Variants in GLIS3 observed in about 807,000 individuals in gnomAD.
The protein encoded by GLIS3 is zinc finger protein GLIS3.
In GLIS3, 53 loss-of-function variants were observed where a neutral mutation model predicts 78.6. The observed-to-expected ratio is 0.67, with a 90% CI of 0.54 to 0.85. The LOEUF is 0.85. GLIS3 is among the 40% of genes least tolerant of loss of function. GLIS3 has a pLI of 0.00. For synonymous variants in GLIS3, 684 were observed against 509.9 expected (o/e 1.34, Z -4.60); for missense variants, 1,703 against 1,231.1 (o/e 1.38, Z -5.74).
the GLIS3 span, among the ~76,000 whole-genome samples, chr9:4,423,742 G>C: frequency 5.1e-4 from 77 of 152,256 alleles, no homozygotes; most frequent in Middle Eastern, 3.4e-3. Flanking sequence ...TTAAAAATGA[G>C]CCAACTGCTT....
chr9:4,065,261 G>T (rs919920750), intron 4 of GLIS3, among the ~76,000 whole-genome samples: 25 of 152,118 alleles, frequency 1.6e-4, no homozygotes, highest in African/African-American at 5.3e-4. Flanking sequence ...GCCCTGCTGT[G>T]CTAGCAACAC....
chr9:3,983,051 C>G (rs1379854297), intron 4 of GLIS3, among the ~76,000 whole-genome samples: 1 of 152,150 alleles, frequency 6.6e-6, no homozygotes, highest in Non-Finnish European at 1.5e-5. Context: ...GGCTGTGTCC[C>G]CACCCAAATC....
At position 4,130,572 on chromosome 9, in the gene GLIS3, A is replaced by G. The variant is rs541915100; in HGVS notation, c.389-4631T>C. ...GCCTCTGCTTCAGAGGGTGCAAACCATAGACGACTTGGTGGCTTCCACATG... is the reference window on the plus strand; with the variant it reads ...GCCTCTGCTTCAGAGGGTGCAAACCGTAGACGACTTGGTGGCTTCCACATG... On this transcript the variant is annotated intron_variant, in intron 2 of 10. Transcript: ENST00000381971. Among the ~76,000 whole-genome samples the G allele has an allele frequency of 1.7e-4, 26 of 152,360 alleles. No individual in the cohort carries two copies. In the South Asian group the frequency reaches 4.8e-3, roughly 28 times the overall value.
intron 2 of GLIS3, among the ~76,000 whole-genome samples, chr9:4,313,143 C>T (rs943462540): frequency 2.0e-5 from 3 of 152,158 alleles, no homozygotes; most frequent in Non-Finnish European, 4.4e-5. Context: ...TTAGAGATAA[C>T]ATGGGAGGTG....
At position 4,127,430 on chromosome 9, in the gene GLIS3, C is replaced by T. The variant is rs192436586; in HGVS notation, c.389-1489G>A. The stretch of plus-strand genomic sequence containing the variant: ...AACCTCTCCTTGACCCCTCCCATTG[C>T]AGTTTATATCTGATCCATCTTCTTG... On this transcript the variant is annotated intron_variant, in intron 2 of 10. Transcript: ENST00000381971. Among the ~76,000 whole-genome samples, 3 of 152,240 alleles carry T rather than the reference C, an allele frequency of 2.0e-5. 1 individual carries two copies. In the East Asian group the frequency reaches 5.8e-4, roughly 29 times the overall value.
intron 4 of GLIS3, among the ~76,000 whole-genome samples, chr9:4,060,474 T>C (rs931628881): frequency 6.6e-6 from 1 of 152,206 alleles, no homozygotes; most frequent in African/African-American, 2.4e-5. Context: ...AGTGTGGCAG[T>C]ATCTTAAGAG....
At chr9:4,402,521 C>G in the GLIS3 span, among the ~76,000 whole-genome samples, 2 of 152,004 alleles carry the variant, frequency 1.3e-5, no homozygotes, top group African/African-American at 2.4e-5. Flanking sequence ...AGATATGTGA[C>G]CTAGCAGAGA....
chr9:4,280,542 C>T (rs770933760), intron 2 of GLIS3, among the ~76,000 whole-genome samples: 3 of 151,992 alleles, frequency 2.0e-5, no homozygotes, highest in Non-Finnish European at 2.9e-5. Flanking sequence ...TAATACAACA[C>T]AAAACAGCAG....
At chr9:4,462,639 GCACACA>G in the GLIS3 span, among the ~76,000 whole-genome samples, 4 of 142,632 alleles carry the variant, frequency 2.8e-5, no homozygotes, top group South Asian at 4.4e-4. Context: ...ACACAGACAC[GCACACA>G]CACACACACA....
the GLIS3 span, among the ~76,000 whole-genome samples, chr9:4,432,442 A>T: frequency 6.6e-6 from 1 of 152,106 alleles, no homozygotes. Flanking sequence ...GTTTGGCCAT[A>T]ACACAGCTAG....
the GLIS3 span, among the ~76,000 whole-genome samples, chr9:4,436,761 G>A: frequency 7.9e-6 from 1 of 126,636 alleles, no homozygotes; most frequent in African/African-American, 3.1e-5. Context: ...AGCCGAGATT[G>A]CACCATTGGC....
chr9:3,984,878 T>A (rs1259362468), intron 4 of GLIS3, among the ~76,000 whole-genome samples: 1 of 152,200 alleles, frequency 6.6e-6, no homozygotes, highest in Non-Finnish European at 1.5e-5. Flanking sequence ...CGAGATCTGA[T>A]GGTTTTCAAA....
At chr9:4,173,835 A>T (rs773445202) in intron 2 of GLIS3, among the ~76,000 whole-genome samples, 37 of 152,116 alleles carry the variant, frequency 2.4e-4, no homozygotes, top group Non-Finnish European at 4.6e-4. Context: ...AATACTGGAA[A>T]ATCTTTTCTT....
the GLIS3 span, among the ~76,000 whole-genome samples, chr9:4,361,568 C>G: frequency 6.6e-6 from 1 of 152,188 alleles, no homozygotes; most frequent in African/African-American, 2.4e-5. Flanking sequence ...AACCACTTCT[C>G]TCTGTTACTC....
chr9:4,346,546 A>C (rs913707419), intron 2 of GLIS3, among the ~76,000 whole-genome samples: 1 of 152,228 alleles, frequency 6.6e-6, no homozygotes, highest in African/African-American at 2.4e-5. Context: ...CAGAGCCACA[A>C]AATGTCAATC....
In GLIS3 at chr9:3,967,011, C is replaced by CAAAAAAA. The variant is rs776900943; in HGVS notation, c.1711-29829_1711-29823dup. ...CTCAACTCCAGACAATTTCTTTCTG[C>CAAAAAAA]AAAAAAAAAAAAAAAAAAAAAACAA... On this transcript the variant is annotated intron_variant, in intron 4 of 10. Coordinates refer to ENST00000381971, the MANE Select transcript of GLIS3 (RefSeq NM_001042413.2). 6.1e-4 allele frequency among the ~76,000 whole-genome samples: 18 copies of CAAAAAAA among 29,438 alleles called. 2 individuals carry two copies. The highest frequency in any genetic ancestry group is 8.6e-4 in the Non-Finnish European group (15 of 17,398). The allele number at this position is 29,438 out of a possible 152,430, so 19.3% of individuals were successfully genotyped here. A position where few individuals can be genotyped will look rare whatever the true frequency, so the allele number is the denominator to read the frequency against.
chr9:4,458,812 A>G, the GLIS3 span, among the ~76,000 whole-genome samples: 1 of 152,176 alleles, frequency 6.6e-6, no homozygotes, highest in Non-Finnish European at 1.5e-5. Flanking sequence ...GAACAAGTGA[A>G]AATGTCTGGG....
At chr9:4,408,836 A>G in the GLIS3 span, among the ~76,000 whole-genome samples, 1 of 152,066 alleles carries the variant, frequency 6.6e-6, no homozygotes, top group Non-Finnish European at 1.5e-5. Context: ...TAAAATAACT[A>G]AAAGTATAAT....
intron 1 of GLIS3, among the ~76,000 whole-genome samples, chr9:4,347,598 T>C (rs1817911986): frequency 6.6e-6 from 1 of 152,192 alleles, no homozygotes; most frequent in South Asian, 2.1e-4. Context: ...TGTGCTGAAG[T>C]TTGAGAATTA....
Sources: gnomAD v4.1 joint callset for allele counts (sites outside exome capture counted in the v4.1 genomes callset) on GRCh38, gnomAD v4.1.1 for gene constraint, MANE v1.5 for transcripts, NCBI Gene and HGNC (gene_info 2026-07-23, HGNC 2026-07-21) for gene names.